The following TCF12 variants were observed in gnomAD, a reference collection of about 807,000 sequenced individuals.
The protein encoded by TCF12 is transcription factor 12.
Under a neutral mutation model 86.0 loss-of-function variants are expected in TCF12, and 45 were observed. That is an observed-to-expected ratio of 0.52 (90% CI 0.41 to 0.67). TCF12 has a LOEUF of 0.67. Among genes scored for constraint, TCF12 ranks in the 30% least tolerant of loss-of-function variants. The pLI is 0.00. For missense variants in TCF12, 881 were observed against 859.9 expected, an observed-to-expected ratio of 1.02 and a Z score of -0.31; for synonymous variants, 330 against 299.6, an observed-to-expected ratio of 1.10 and a Z score of -1.05.
intron 3 of TCF12, among the ~76,000 whole-genome samples, chr15:56,987,450 G>T (rs1400281140): frequency 1.3e-5 from 2 of 152,114 alleles, no homozygotes; most frequent in Non-Finnish European, 2.9e-5. Flanking sequence ...AACAGAATCT[G>T]AGGAGCGTGG....
chr15:57,152,295 A>G (rs1412622397), intron 5 of TCF12, among the ~76,000 whole-genome samples: 3 of 152,326 alleles, frequency 2.0e-5, no homozygotes, highest in South Asian at 4.1e-4. Context: ...CAAAACAAAT[A>G]CTTTCAAGAG....
At chr15:57,048,689 A>G (rs540354047) in intron 3 of TCF12, among the ~76,000 whole-genome samples, 10 of 152,244 alleles carry the variant, frequency 6.6e-5, no homozygotes, top group East Asian at 1.9e-4. Flanking sequence ...TCGAGTTACA[A>G]TTTTAATGAA....
chr15:57,068,604 G>T (rs2069105545), intron 4 of TCF12, among the ~76,000 whole-genome samples: 1 of 152,128 alleles, frequency 6.6e-6, no homozygotes, highest in Non-Finnish European at 1.5e-5. Flanking sequence ...TATACATGAT[G>T]AGTGCTCTAT....
At chr15:56,938,226 C>T (rs139683904) in intron 3 of TCF12, among the ~76,000 whole-genome samples, 6,099 of 150,680 alleles carry the variant, frequency 0.04, 370 homozygotes, top group Admixed American at 0.17. Flanking sequence ...AGTGGCGCGA[C>T]CTTGGCTTAC....
chr15:56,972,956 C>T (rs2062412497), intron 3 of TCF12, among the ~76,000 whole-genome samples: 1 of 152,188 alleles, frequency 6.6e-6, no homozygotes, highest in South Asian at 2.1e-4. Flanking sequence ...TTTAGGCTTT[C>T]CGTTTTCCTG....
chr15:57,074,647 A>C (rs2069727994), intron 4 of TCF12, among the ~76,000 whole-genome samples: 1 of 152,194 alleles, frequency 6.6e-6, no homozygotes, highest in Admixed American at 6.5e-5. Context: ...AGTTGGGATT[A>C]CAGAGGTCTA....
At chr15:57,094,389 C>T (rs1489549504) in intron 5 of TCF12, among the ~76,000 whole-genome samples, 1 of 152,126 alleles carries the variant, frequency 6.6e-6, no homozygotes, top group Non-Finnish European at 1.5e-5. Flanking sequence ...TTAGTGTAAA[C>T]AATCTGCACG....
At chr15:57,242,383 G>A (rs947572459) in intron 12 of TCF12, among the ~76,000 whole-genome samples, 1 of 152,092 alleles carries the variant, frequency 6.6e-6, no homozygotes, top group Non-Finnish European at 1.5e-5. Context: ...GGATTAAGGG[G>A]ACTTTTAAAG....
intron 7 of TCF12, among the ~76,000 whole-genome samples, chr15:57,194,922 G>A (rs2057174368): frequency 6.6e-6 from 1 of 151,924 alleles, no homozygotes; most frequent in Admixed American, 6.6e-5. Context: ...TCTTTTTTGA[G>A]ACGGAGTTTC....
chr15:57,045,899 C>G (rs1364319352), intron 3 of TCF12, among the ~76,000 whole-genome samples: 1 of 152,104 alleles, frequency 6.6e-6, no homozygotes, highest in Non-Finnish European at 1.5e-5. Flanking sequence ...TGTCAGTACT[C>G]CAGTCAGAGA....
At chr15:57,207,977 A>G (rs1438511389) in intron 8 of TCF12, among the ~76,000 whole-genome samples, 2 of 151,720 alleles carry the variant, frequency 1.3e-5, no homozygotes, top group East Asian at 3.9e-4. Context: ...ATGAAGAACT[A>G]TTTTAGACTT....
intron 3 of TCF12, among the ~76,000 whole-genome samples, chr15:56,998,737 C>T (rs2063851418): frequency 6.6e-6 from 1 of 152,136 alleles, no homozygotes; most frequent in African/African-American, 2.4e-5. Context: ...GCAGAATATA[C>T]ATTCTTTCCA....
intron 19 of TCF12, among the ~76,000 whole-genome samples, chr15:57,279,520 A>ATT (rs765063087): frequency 3.3e-5 from 5 of 152,218 alleles, no homozygotes; most frequent in Non-Finnish European, 4.4e-5. Flanking sequence ...ATGAAAGAGT[A>ATT]GCCTTAGTCT....
intron 6 of TCF12, among the ~76,000 whole-genome samples, chr15:57,169,482 C>T (rs2055148110): frequency 6.6e-6 from 1 of 152,124 alleles, no homozygotes; most frequent in African/African-American, 2.4e-5. Context: ...TAGGATTAGC[C>T]ATTTCTGCTT....
intron 4 of TCF12, among the ~76,000 whole-genome samples, chr15:57,068,578 C>G (rs1421041749): frequency 2.6e-5 from 4 of 152,186 alleles, no homozygotes; most frequent in Non-Finnish European, 2.9e-5. Flanking sequence ...TTATCAGTCT[C>G]TCTAGTATAA....
At chr15:57,214,580 A>C (rs2058255582) in intron 8 of TCF12, among the ~76,000 whole-genome samples, 1 of 152,212 alleles carries the variant, frequency 6.6e-6, no homozygotes, top group African/African-American at 2.4e-5. Context: ...AGATATTTGT[A>C]AAGAAACAGT....
At chr15:56,964,479 G>T (rs2061913807) in intron 3 of TCF12, among the ~76,000 whole-genome samples, 1 of 151,928 alleles carries the variant, frequency 6.6e-6, no homozygotes, top group South Asian at 2.1e-4. Context: ...GTTCATGCTT[G>T]CTTCCCAGCC....
At chr15:56,947,491 T>G (rs2061060871) in intron 3 of TCF12, among the ~76,000 whole-genome samples, 1 of 152,176 alleles carries the variant, frequency 6.6e-6, no homozygotes, top group African/African-American at 2.4e-5. Context: ...AAAATCCCTT[T>G]TCTTCTGCAC....
chr15:56,937,348 T>C (rs763419398), intron 3 of TCF12, among the ~76,000 whole-genome samples: 1 of 152,090 alleles, frequency 6.6e-6, no homozygotes, highest in Non-Finnish European at 1.5e-5. Context: ...TGAATTCATG[T>C]ATGAGTTCTA....
Sources: gnomAD v4.1 joint callset for allele counts (sites outside exome capture counted in the v4.1 genomes callset) on GRCh38, gnomAD v4.1.1 for gene constraint, MANE v1.5 for transcripts, NCBI Gene and HGNC (gene_info 2026-07-23, HGNC 2026-07-21) for gene names.